The following ITGB3 variants were observed in gnomAD, a reference collection of about 807,000 sequenced individuals.
ITGB3 encodes the protein integrin subunit beta 3, also known as integrin beta-3.
A neutral mutation model predicts 85.8 loss-of-function variants in ITGB3; 48 were observed. The observed-to-expected ratio is 0.56, with a 90% CI of 0.44 to 0.71. The LOEUF is 0.71. Among genes scored for constraint, ITGB3 ranks in the 30% least tolerant of loss-of-function variants. The pLI, the probability that ITGB3 is intolerant of heterozygous loss-of-function variation, is 0.00. For synonymous variants in ITGB3, 363 were observed against 395.6 expected (o/e 0.92, Z 0.98); for missense variants, 861 against 1,019.1 (o/e 0.84, Z 2.11).
At chr17:47,272,696 T>C (rs200144406) in intron 1 of ITGB3, among the ~76,000 whole-genome samples, 1 of 116,236 alleles carries the variant, frequency 8.6e-6, no homozygotes, top group African/African-American at 3.1e-5. Context: ...TCTTTCTTTC[T>C]TTCCTTCTTT....
At chr17:47,266,735 G>T (rs1369883495) in intron 1 of ITGB3, among the ~76,000 whole-genome samples, 1 of 152,022 alleles carries the variant, frequency 6.6e-6, no homozygotes, top group Non-Finnish European at 1.5e-5. Context: ...ATGCTACCAT[G>T]CCCAGCTAAT....
At chr17:47,276,161 C>G (rs959695584) in intron 2 of ITGB3, among the ~76,000 whole-genome samples, 1 of 152,178 alleles carries the variant, frequency 6.6e-6, no homozygotes, top group African/African-American at 2.4e-5. Flanking sequence ...CTCCTTCCCT[C>G]CTTTCCAACC....
chr17:47,291,301 G>C, intron 9 of ITGB3: 1 of 618,166 alleles, frequency 1.6e-6, no homozygotes, highest in Non-Finnish European at 2.8e-6. Context: ...TTTCTGTTAC[G>C]TGAACTTCAC....
chr17:47,307,899 C>T (rs1030459082), intron 14 of ITGB3, among the ~76,000 whole-genome samples: 29 of 152,116 alleles, frequency 1.9e-4, no homozygotes, highest in African/African-American at 2.4e-5. Context: ...GGCCTGGTGG[C>T]GCGTGCCTGT....
chr17:47,259,624 G>A (rs991794418), intron 1 of ITGB3, among the ~76,000 whole-genome samples: 1 of 152,188 alleles, frequency 6.6e-6, no homozygotes, highest in Non-Finnish European at 1.5e-5. Context: ...TCTTGGCTGG[G>A]CGCGGTGGCT....
chr17:47,274,347 G>C (rs1261884235), intron 1 of ITGB3, 72 bp from the exon 2 acceptor site: 2 of 1,337,018 alleles, frequency 1.5e-6, no homozygotes, highest in Admixed American at 1.7e-5. Context: ...TGGGAAAGTT[G>C]GGAAGGATGA....
chr17:47,292,243 C>T lies in ITGB3; in HGVS notation c.1365C>T (p.Val455=). 1 of 1,614,188 alleles carries T rather than the reference C, an allele frequency of 6.2e-7. No homozygotes were observed. Among genetic ancestry groups the T allele is most frequent in the Non-Finnish European group, 8.5e-7 (1 of 1,180,026 alleles). Residue 455 remains valine (V), a synonymous_variant, in exon 10 of 15, where the codon GTC becomes GTT. Coordinates refer to ENST00000559488, the MANE Select transcript of ITGB3 (RefSeq NM_000212.3). The part of the protein sequence containing the change: ...VGFKDSLIVQ[V]TFDCDCACQA... The stretch of plus-strand genomic sequence containing the variant: ...TCAAGGACAGCCTGATCGTCCAGGT[C>T]ACCTTTGATTGTGACTGTGCCTGCC...
intron 1 of ITGB3, among the ~76,000 whole-genome samples, chr17:47,272,498 A>G (rs2065048021): frequency 6.6e-6 from 1 of 151,866 alleles, no homozygotes; most frequent in Non-Finnish European, 1.5e-5. Context: ...GTCAACATCT[A>G]CTCTTACAGT....
rs758633284 is a variant in ITGB3 at position 47,286,369 on chromosome 17, C to A, written c.724C>A (p.Arg242=). 1.2e-6 allele frequency: 2 copies of A among 1,614,160 alleles called. No homozygotes were observed. Among genetic ancestry groups the A allele is most frequent in the Admixed American group, 1.7e-5 (1 of 60,026 alleles). ...GAAGAAGCAGAGTGTGTCACGGAAC[C>A]GAGATGCCCCAGAGGGTGGCTTTGA... The part of the protein sequence containing the change: ...EVKKQSVSRN[R]DAPEGGFDAI... The change falls in exon 5 of 15, where the codon CGA becomes AGA. Residue 242 remains arginine (R), a synonymous_variant. Coordinates refer to ENST00000559488, the MANE Select transcript of ITGB3 (RefSeq NM_000212.3).
intron 1 of ITGB3, among the ~76,000 whole-genome samples, chr17:47,273,290 G>A (rs937310239): frequency 3.9e-5 from 6 of 152,306 alleles, no homozygotes; most frequent in Non-Finnish European, 7.3e-5. Flanking sequence ...GGGTCAAAGA[G>A]GTCCCTTTGG....
intron 1 of ITGB3, among the ~76,000 whole-genome samples, chr17:47,271,640 C>T (rs2065044352): frequency 6.6e-6 from 1 of 152,152 alleles, no homozygotes; most frequent in African/African-American, 2.4e-5. Context: ...AAATAATTTA[C>T]CTTGCACACC....
chr17:47,292,526 G>A lies in ITGB3; in HGVS notation c.1648G>A (p.Asp550Asn). ...GATCACGGGCAAGTACTGCGAGTGTGACGACTTCTCCTGTGTCCGCTACAA... is the reference window on the plus strand; with the variant it reads ...GATCACGGGCAAGTACTGCGAGTGTAACGACTTCTCCTGTGTCCGCTACAA... ...GKITGKYCECDDFSCVRYKGE... is the reference protein window; with the variant it reads ...GKITGKYCECNDFSCVRYKGE... Residue 550 changes from aspartate (D) to asparagine (N), a missense_variant, in exon 10 of 15, where the codon GAC becomes AAC. By Grantham distance (23) the Asp-to-Asn change is conservative. Coordinates refer to ENST00000559488, the MANE Select transcript of ITGB3 (RefSeq NM_000212.3). The A allele has an allele frequency of 6.2e-7, 1 of 1,604,332 alleles. No homozygotes were observed.
chr17:47,307,808 C>A (rs1011247382), intron 14 of ITGB3, among the ~76,000 whole-genome samples, 171 bp downstream of exon 14: 9 of 152,162 alleles, frequency 5.9e-5, no homozygotes, highest in African/African-American at 2.2e-4. Flanking sequence ...CAGCTTCCTT[C>A]AGCCTCTTAG....
At chr17:47,253,979 C>G in intron 1 of ITGB3, 39 bp downstream of exon 1, 1 of 1,271,460 alleles carries the variant, frequency 7.9e-7, no homozygotes. Context: ...GCAGCTGCCC[C>G]AGGATCTGCG....
Position 47,294,928 on chromosome 17 carries a change from G to A in ITGB3, c.1690+2360G>A, listed in dbSNP as rs536390734. ...GGCGGCTGGTTCCCTGGCCATCCCC[G>A]TTGTCCCCTCCCTACTTTGGGCCTG... On this transcript the variant is annotated intron_variant, in intron 10 of 14. Transcript: ENST00000559488. 5.4e-4 allele frequency among the ~76,000 whole-genome samples: 82 copies of A among 152,204 alleles called. 1 individual carries two copies. The highest frequency in any genetic ancestry group is 1.7e-3 in the African/African-American group (70 of 41,522).
intron 1 of ITGB3, among the ~76,000 whole-genome samples, chr17:47,263,126 A>C (rs577929792): frequency 1.1e-4 from 17 of 151,682 alleles, no homozygotes; most frequent in Non-Finnish European, 2.5e-4. Context: ...AGATGGCTTT[A>C]GACGTGAGGT....
Position 47,291,023 on chromosome 17 carries a change from A to G in ITGB3, c.1195A>G (p.Thr399Ala). ...PEELSLSFNATCLNNEVIPGL... is the reference protein window; with the variant it reads ...PEELSLSFNAACLNNEVIPGL... ...AGAGTTGTCTCTATCCTTCAATGCC[A>G]CCTGCCTCAACAATGAGGTCATCCC... The change falls in exon 9 of 15, where the codon ACC (threonine) becomes GCC (alanine). Residue 399 changes from threonine to alanine, a missense_variant. Thr to Ala is a moderately conservative substitution (Grantham distance 58). Coordinates refer to ENST00000559488, the MANE Select transcript of ITGB3 (RefSeq NM_000212.3). The G allele has an allele frequency of 6.2e-7, 1 of 1,614,038 alleles. No homozygotes were observed. The highest frequency in any genetic ancestry group is 8.5e-7 in the Non-Finnish European group (1 of 1,179,970).
intron 10 of ITGB3, among the ~76,000 whole-genome samples, chr17:47,293,648 C>T (rs192855327): frequency 4.4e-4 from 66 of 151,462 alleles, no homozygotes; most frequent in Non-Finnish European, 7.1e-4. Flanking sequence ...CTTGCTCTAT[C>T]GCCAGGCTGG....
At chr17:47,303,174 C>T (rs564571038) in intron 13 of ITGB3, among the ~76,000 whole-genome samples, 23 of 152,014 alleles carry the variant, frequency 1.5e-4, no homozygotes, top group Admixed American at 3.9e-4. Context: ...CACTTGAACC[C>T]GGGAGGCACA....
Sources: allele counts gnomAD v4.1 joint callset (sites outside exome capture counted in the v4.1 genomes callset), GRCh38; gene constraint gnomAD v4.1.1; transcripts MANE v1.5; gene names NCBI Gene and HGNC (gene_info 2026-07-23, HGNC 2026-07-21).